The following GRIK2 variants were observed in gnomAD, a reference collection of about 807,000 sequenced individuals.
GRIK2 encodes glutamate receptor ionotropic, kainate 2.
Under a neutral mutation model 100.3 loss-of-function variants are expected in GRIK2, and 32 were observed. The observed-to-expected ratio is 0.32, with a 90% CI of 0.24 to 0.43. The LOEUF is 0.43. Ranked by LOEUF, GRIK2 falls within the 20% of genes least tolerant of loss-of-function variation. The pLI is 1.00. For synonymous variants in GRIK2, 417 were observed against 389.4 expected, an observed-to-expected ratio of 1.07 and a Z score of -0.83; for missense variants, 843 against 1,114.9, an observed-to-expected ratio of 0.76 and a Z score of 3.47.
At chr6:101,536,873 T>G (rs1437875613) in intron 2 of GRIK2, among the ~76,000 whole-genome samples, 1 of 151,750 alleles carries the variant, frequency 6.6e-6, no homozygotes, top group Admixed American at 6.6e-5. Flanking sequence ...GTCCCATTAT[T>G]GCAATCCAAA....
Position 101,720,091 on chromosome 6 carries a change from G to GT in GRIK2, c.951+33747dup, listed in dbSNP as rs140068260. Among the ~76,000 whole-genome samples, 99 of 138,454 alleles carry GT rather than the reference G, an allele frequency of 7.2e-4. No individual in the cohort carries two copies. In the East Asian group the frequency reaches 9.5e-3, roughly 13 times the overall value. The allele number at this position is 138,454 out of a possible 152,430, so 90.8% of individuals were successfully genotyped here. On this transcript the variant is annotated intron_variant, in intron 7 of 16. Coordinates refer to ENST00000369134, the MANE Select transcript of GRIK2 (RefSeq NM_021956.5). Reference sequence around the variant, plus strand: ...GTTCATTGTAGTTCAGGATGATTTCGTTTTTTTTTCTTTCTCCCCTGCACC... The same window carrying GT: ...GTTCATTGTAGTTCAGGATGATTTCGTTTTTTTTTTCTTTCTCCCCTGCACC...
chr6:101,434,178 C>A (rs1769585208), intron 2 of GRIK2, among the ~76,000 whole-genome samples: 1 of 152,176 alleles, frequency 6.6e-6, no homozygotes, highest in Non-Finnish European at 1.5e-5. Context: ...TTGGGACTAA[C>A]AGCAGCAGAG....
Position 101,889,647 on chromosome 6 carries a change from A to G in GRIK2, c.1532A>G (p.Asp511Gly). Residue 511 changes from aspartate (D) to glycine (G), a missense_variant, in exon 12 of 17, where the codon GAC (aspartate) becomes GGC (glycine). By Grantham distance (94) the Asp-to-Gly change is moderately conservative. This residue lies in a region of GRIK2 where 519 missense variants were observed against 643.8 expected (regional missense o/e 0.81). Coordinates refer to ENST00000369134, the MANE Select transcript of GRIK2 (RefSeq NM_021956.5). ...MVRELIDHKA[D>G]LAVAPLAITY... ...GTTTGTTTCTGTCTACAGAAAGCTG[A>G]CCTTGCAGTTGCTCCACTGGCTATT... 6.6e-7 allele frequency: 1 copy of G among 1,509,478 alleles called. No homozygotes were observed. Among genetic ancestry groups the G allele is most frequent in the Non-Finnish European group, 9.1e-7 (1 of 1,104,292 alleles). 93.5% of individuals were successfully genotyped at this position (1,509,478 alleles called of 1,614,324 possible).
At chr6:101,627,316 A>G (rs1159513988) in intron 4 of GRIK2, among the ~76,000 whole-genome samples, 2 of 151,940 alleles carry the variant, frequency 1.3e-5, no homozygotes, top group Non-Finnish European at 2.9e-5. Flanking sequence ...TAATTTTTGT[A>G]TTTTTAGTGG....
intron 4 of GRIK2, among the ~76,000 whole-genome samples, chr6:101,633,931 T>G (rs1267085932): frequency 6.6e-6 from 1 of 152,210 alleles, no homozygotes; most frequent in East Asian, 1.9e-4. Flanking sequence ...CAGTCAACTT[T>G]AGAATCTACT....
chr6:101,493,339 C>T (rs1334672162), intron 2 of GRIK2, among the ~76,000 whole-genome samples: 1 of 151,796 alleles, frequency 6.6e-6, no homozygotes, highest in Non-Finnish European at 1.5e-5. Flanking sequence ...CAAGAAGTGA[C>T]AAAAAAATTT....
At chr6:101,552,813 T>C (rs542110819) in intron 2 of GRIK2, among the ~76,000 whole-genome samples, 90 of 152,306 alleles carry the variant, frequency 5.9e-4, no homozygotes, top group African/African-American at 2.1e-3. Context: ...AAGTCTCTTC[T>C]GCCACCTGAG....
At chr6:101,760,578 TTA>T (rs1777510870) in intron 7 of GRIK2, among the ~76,000 whole-genome samples, 1 of 81,078 alleles carries the variant, frequency 1.2e-5, no homozygotes, top group African/African-American at 7.5e-5. Flanking sequence ...ATTTAATTAA[TTA>T]TATATAATTA....
intron 10 of GRIK2, among the ~76,000 whole-genome samples, chr6:101,846,643 C>G (rs1207600630): frequency 6.6e-6 from 1 of 151,828 alleles, no homozygotes; most frequent in Non-Finnish European, 1.5e-5. Context: ...TTATTTGGTT[C>G]TGGGATTTTC....
chr6:101,923,925 CA>C (rs768844963), intron 12 of GRIK2, among the ~76,000 whole-genome samples: 198 of 60,778 alleles, frequency 3.3e-3, no homozygotes, highest in East Asian at 0.011. Flanking sequence ...ATTCTGTCTC[CA>C]AAAAAAAAAA....
chr6:101,502,898 T>C (rs1006529428), intron 2 of GRIK2, among the ~76,000 whole-genome samples: 1 of 152,178 alleles, frequency 6.6e-6, no homozygotes, highest in Non-Finnish European at 1.5e-5. Context: ...ATAAATTCTA[T>C]GGAGGACTTC....
At chr6:101,849,679 A>C (rs749153152) in intron 10 of GRIK2, among the ~76,000 whole-genome samples, 1 of 152,020 alleles carries the variant, frequency 6.6e-6, no homozygotes, top group East Asian at 1.9e-4. Context: ...AAGGAAATAA[A>C]TTATTTTCAG....
At chr6:101,470,961 G>A (rs1771917959) in intron 2 of GRIK2, among the ~76,000 whole-genome samples, 1 of 152,124 alleles carries the variant, frequency 6.6e-6, no homozygotes, top group South Asian at 2.1e-4. Flanking sequence ...TTGAGGACAA[G>A]TATTAAGTTG....
At chr6:101,892,470 A>G (rs561702388) in intron 12 of GRIK2, among the ~76,000 whole-genome samples, 3 of 152,154 alleles carry the variant, frequency 2.0e-5, no homozygotes, top group Non-Finnish European at 4.4e-5. Flanking sequence ...TACGTGAAAG[A>G]AATTCAAGTA....
chr6:101,665,151 T>C (rs796617674), intron 4 of GRIK2, among the ~76,000 whole-genome samples: 2 of 152,178 alleles, frequency 1.3e-5, no homozygotes, highest in South Asian at 4.1e-4. Context: ...TAGGTGCTCC[T>C]TGGCATTGTT....
chr6:102,003,496 CTTAT>C (rs2114271808), intron 14 of GRIK2, among the ~76,000 whole-genome samples: 1 of 151,666 alleles, frequency 6.6e-6, no homozygotes, highest in South Asian at 2.1e-4. Flanking sequence ...AACTTTGTTT[CTTAT>C]TTATGTTGAT....
chr6:101,719,973 G>GA (rs1338850317), intron 7 of GRIK2, among the ~76,000 whole-genome samples: 2 of 151,738 alleles, frequency 1.3e-5, no homozygotes, highest in African/African-American at 2.4e-5. Flanking sequence ...GAAAAGGAGA[G>GA]AAAAAACACC....
At chr6:101,572,822 A>G (rs1206540788) in intron 2 of GRIK2, among the ~76,000 whole-genome samples, 6,190 of 60,718 alleles carry the variant, frequency 0.1, 504 homozygotes, top group African/African-American at 0.27. Flanking sequence ...TTTATTATTT[A>G]TTTATTTATT....
intron 4 of GRIK2, 56 bp downstream of exon 4, chr6:101,626,693 A>T: frequency 6.9e-7 from 1 of 1,458,442 alleles, no homozygotes; most frequent in Non-Finnish European, 9.4e-7. Context: ...AATTTTCTGA[A>T]GCCCATTCCA....
Sources: allele counts gnomAD v4.1 joint callset (sites outside exome capture counted in the v4.1 genomes callset), GRCh38; gene constraint gnomAD v4.1.1; regional missense constraint gnomAD v4.1.1; transcripts MANE v1.5; gene names NCBI Gene and HGNC (gene_info 2026-07-23, HGNC 2026-07-21).